Variants in JAKMIP3 observed in about 807,000 individuals in gnomAD.
JAKMIP3 encodes Janus kinase and microtubule interacting protein 3.
A neutral mutation model predicts 118.5 loss-of-function variants in JAKMIP3; 58 were observed. The ratio of observed to expected loss-of-function variants is 0.49; its 90% CI spans 0.40 to 0.61. The LOEUF is 0.61. JAKMIP3 is among the 20% of genes least tolerant of loss of function. The pLI, the probability that JAKMIP3 is intolerant of heterozygous loss-of-function variation, is 0.00. For synonymous variants in JAKMIP3, 486 were observed against 451.2 expected (o/e 1.08, Z -0.98); for missense variants, 950 against 1,109.0 (o/e 0.86, Z 2.04).
intron 1 of JAKMIP3, among the ~76,000 whole-genome samples, chr10:132,073,151 A>G (rs1159027882): frequency 6.6e-6 from 1 of 152,010 alleles, no homozygotes; most frequent in African/African-American, 2.4e-5. Context: ...TTTTTATCCA[A>G]TCCTCCACTG....
At position 132,165,354 on chromosome 10, in the gene JAKMIP3, G is replaced by A. The variant is rs150839401; in HGVS notation, c.2490+619G>A. Among the ~76,000 whole-genome samples the A allele has an allele frequency of 2.9e-3, 438 of 152,326 alleles. 2 individuals carry two copies. The highest frequency in any genetic ancestry group is 6.8e-3 in the Admixed American group (104 of 15,298). On this transcript the variant is annotated intron_variant, in intron 21 of 23. Coordinates refer to ENST00000684848, the MANE Select transcript of JAKMIP3 (RefSeq NM_001323087.2). ...CCCGGGGTTGCCTGCAGGCGTTCAG[G>A]GCAGCGCTTGTTCTCCCACGTGGGG...
chr10:132,172,193 C>T (rs1273660545), intron 23 of JAKMIP3, among the ~76,000 whole-genome samples: 3 of 152,172 alleles, frequency 2.0e-5, no homozygotes, highest in Non-Finnish European at 4.4e-5. Flanking sequence ...GAAGGTTCCT[C>T]AGGAGGATCT....
At chr10:132,079,006 G>A (rs989069621) in intron 1 of JAKMIP3, among the ~76,000 whole-genome samples, 15 of 152,172 alleles carry the variant, frequency 9.9e-5, no homozygotes, top group Non-Finnish European at 2.1e-4. Flanking sequence ...GACAAGCGGC[G>A]CATGGGAGTG....
At chr10:132,171,790 G>A (rs1287252404) in intron 23 of JAKMIP3, among the ~76,000 whole-genome samples, 2 of 151,946 alleles carry the variant, frequency 1.3e-5, no homozygotes, top group Non-Finnish European at 2.9e-5. Flanking sequence ...GAGTAGCGGG[G>A]ATTACAGGCA....
upstream of JAKMIP3, among the ~76,000 whole-genome samples, chr10:132,063,940 CAAAT>C (rs895324488): frequency 2.0e-5 from 3 of 152,168 alleles, no homozygotes; most frequent in South Asian, 2.1e-4. Flanking sequence ...TTTTTAAAAA[CAAAT>C]AATGTGATCA....
chr10:132,167,914 G>A (rs1306409704), intron 22 of JAKMIP3, 39 bp from the exon 23 acceptor site: 11 of 1,274,034 alleles, frequency 8.6e-6, no homozygotes, highest in African/African-American at 4.7e-5. Context: ...GCCAAGCGGA[G>A]CCTCGCTGAC....
intron 2 of JAKMIP3, among the ~76,000 whole-genome samples, chr10:132,111,870 A>G (rs974565028): frequency 6.6e-6 from 1 of 152,138 alleles, no homozygotes; most frequent in Non-Finnish European, 1.5e-5. Context: ...AGTGGGAGGC[A>G]GCTGCTCAGA....
rs865840298 is a variant in JAKMIP3, at chr10:132,044,918, G to T, written c.-138+8180G>T. ...TGGCGTGCTTCACCGTGTTGCATGC[G>T]CGTCAGGATTTCCTTCCTTGAAGGC... On this transcript the variant is annotated intron_variant, in intron 1 of 23. Coordinates refer to the JAKMIP3 transcript ENST00000657785. This position sits in a 1 kb window ranked among gnomAD's most constrained non-coding sequence, Gnocchi z 5.3. Among the ~76,000 whole-genome samples, 1 of 151,820 alleles carries T rather than the reference G, an allele frequency of 6.6e-6. No individual in the cohort carries two copies. Among genetic ancestry groups the T allele is most frequent in the South Asian group, 2.1e-4 (1 of 4,808 alleles).
At chr10:132,155,396 TCTC>T (rs2056971743) in intron 19 of JAKMIP3, among the ~76,000 whole-genome samples, 1 of 152,198 alleles carries the variant, frequency 6.6e-6, no homozygotes, top group Admixed American at 6.5e-5. Context: ...TCAGCATTCT[TCTC>T]CTGTGCCCAC....
intron 20 of JAKMIP3, among the ~76,000 whole-genome samples, chr10:132,163,973 C>T (rs1272034989): frequency 1.3e-5 from 2 of 152,336 alleles, no homozygotes; most frequent in African/African-American, 4.8e-5. Context: ...ACTAGATGGC[C>T]TGGATGTGTA....
intron 1 of JAKMIP3, among the ~76,000 whole-genome samples, chr10:132,048,857 G>C (rs1171573641): frequency 2.6e-5 from 4 of 152,018 alleles, no homozygotes; most frequent in African/African-American, 9.7e-5. Flanking sequence ...AGCCAGGATA[G>C]TCTCGATCTC....
chr10:132,098,187 C>G (rs1225191075), intron 1 of JAKMIP3, among the ~76,000 whole-genome samples: 1 of 151,714 alleles, frequency 6.6e-6, no homozygotes, highest in African/African-American at 2.4e-5. Flanking sequence ...AGGTGCCCAC[C>G]TGGTTAATTT....
At chr10:132,177,838 TG>T (rs1230448550) in intron 23 of JAKMIP3, among the ~76,000 whole-genome samples, 2 of 148,426 alleles carry the variant, frequency 1.3e-5, no homozygotes, top group Admixed American at 1.3e-4. Context: ...CACCTGCTCC[TG>T]TGCCCTGGGT....
At chr10:132,098,282 T>A (rs2044304516) in intron 1 of JAKMIP3, among the ~76,000 whole-genome samples, 1 of 152,052 alleles carries the variant, frequency 6.6e-6, no homozygotes, top group Non-Finnish European at 1.5e-5. Context: ...CCTTAGCCTC[T>A]TAAGGTGCTG....
chr10:132,148,514 C>T (rs1179964549), intron 14 of JAKMIP3, among the ~76,000 whole-genome samples: 1 of 110,752 alleles, frequency 9.0e-6, no homozygotes, highest in Non-Finnish European at 2.1e-5. Flanking sequence ...GTCCGTCCTC[C>T]ATCCGCCCGT....
At chr10:132,099,453 A>G (rs1036419080) in intron 1 of JAKMIP3, among the ~76,000 whole-genome samples, 1 of 152,134 alleles carries the variant, frequency 6.6e-6, no homozygotes, top group Non-Finnish European at 1.5e-5. Flanking sequence ...TGCACTGTTA[A>G]TTTAACGACT....
intron 1 of JAKMIP3, among the ~76,000 whole-genome samples, chr10:132,090,512 T>C (rs1329548539): frequency 2.0e-5 from 3 of 152,240 alleles, no homozygotes; most frequent in Non-Finnish European, 4.4e-5. Flanking sequence ...GTGTTTATAG[T>C]ATTCTCTGAT....
chr10:132,103,552 C>A (rs1262576629), intron 1 of JAKMIP3, among the ~76,000 whole-genome samples: 2 of 151,696 alleles, frequency 1.3e-5, no homozygotes, highest in African/African-American at 4.8e-5. Flanking sequence ...AGGGGAGGTG[C>A]CTGGCAGCAC....
At chr10:132,142,858 C>A (rs915307900) in intron 11 of JAKMIP3, among the ~76,000 whole-genome samples, 1 of 152,018 alleles carries the variant, frequency 6.6e-6, no homozygotes, top group African/African-American at 2.4e-5. Context: ...CCCAAAACCA[C>A]CCTGCAGGGC....
Sources: gnomAD v4.1 joint callset for allele counts (sites outside exome capture counted in the v4.1 genomes callset) on GRCh38, gnomAD v4.1.1 for gene constraint, Gnocchi (gnomAD v3.1) non-coding constraint, MANE v1.5 for transcripts, NCBI Gene and HGNC (gene_info 2026-07-23, HGNC 2026-07-21) for gene names.